The following FN1 variants were observed in gnomAD, a reference collection of about 807,000 sequenced individuals.
FN1 encodes fibronectin.
Under a neutral mutation model 297.3 loss-of-function variants are expected in FN1, and 106 were observed. The ratio of observed to expected loss-of-function variants is 0.36; its 90% CI spans 0.30 to 0.42. FN1 has a LOEUF of 0.42. Ranked by LOEUF, FN1 falls within the 10% of genes least tolerant of loss-of-function variation. FN1 has a pLI of 1.00. For missense variants in FN1, 2,690 were observed against 3,124.9 expected, an observed-to-expected ratio of 0.86 and a Z score of 3.32; for synonymous variants, 1,149 against 1,152.6, an observed-to-expected ratio of 1.00 and a Z score of 0.06.
intron 26 of FN1, among the ~76,000 whole-genome samples, chr2:215,389,341 G>T (rs1417559240): frequency 6.6e-6 from 1 of 152,086 alleles, no homozygotes. Flanking sequence ...CTGACCTTGT[G>T]ATCCACCCGC....
intron 5 of FN1, among the ~76,000 whole-genome samples, chr2:215,429,831 CTT>C (rs138079328): frequency 1.6e-4 from 24 of 152,328 alleles, no homozygotes; most frequent in Non-Finnish European, 3.4e-4. Flanking sequence ...CTTTGAGAAA[CTT>C]TTCCCAACTT....
At chr2:215,398,347 T>C (rs982884063) in intron 21 of FN1, among the ~76,000 whole-genome samples, 15 of 152,208 alleles carry the variant, frequency 9.9e-5, no homozygotes, top group Admixed American at 1.3e-4. Context: ...GGATGATACA[T>C]TACAAGAGAA....
rs917641222 is a variant in FN1 at position 215,399,328 on chromosome 2, G to T, written c.3277C>A (p.Pro1093Thr). The T allele has an allele frequency of 1.2e-6, 2 of 1,613,552 alleles. No individual in the cohort carries two copies. Among genetic ancestry groups the T allele is most frequent in the Admixed American group, 1.7e-5 (1 of 60,006 alleles). Reference protein sequence around the residue: ...TTLQPGSSIPPYNTEVTETTI... With the variant: ...TTLQPGSSIPTYNTEVTETTI... Reference sequence around the variant, plus strand: ...GTCTCAGTCACCTCGGTGTTGTAAGGTGGAATAGAGCTCCCAGGCTGCACT... The same window carrying T: ...GTCTCAGTCACCTCGGTGTTGTAAGTTGGAATAGAGCTCCCAGGCTGCACT... Residue 1093 changes from proline (P) to threonine (T), a missense_variant, in exon 21 of 46, where the codon CCT becomes ACT. Transcript: ENST00000354785.
rs760613059 is a variant in FN1 at position 215,370,324 on chromosome 2, G to A, written c.6823C>T (p.Arg2275Trp). 8 of 1,613,804 alleles carry A rather than the reference G, an allele frequency of 5.0e-6. No individual in the cohort carries two copies. The highest frequency in any genetic ancestry group is 1.1e-5 in the South Asian group (1 of 91,066). ...TTGCCCACGGTAACAACCTCTTCCC[G>A]AACCTTATGCCTCTGCTGGTCTTTC... Reference protein sequence around the residue: ...ALKDQQRHKVREEVVTVGNSV... With the variant: ...ALKDQQRHKVWEEVVTVGNSV... The change falls in exon 41 of 46, where the codon CGG becomes TGG. Residue 2275 changes from arginine (R) to tryptophan (W), a missense_variant. Coordinates refer to ENST00000354785, the MANE Select transcript of FN1 (RefSeq NM_212482.4).
chr2:215,385,481 G>A (rs190463841), intron 28 of FN1, among the ~76,000 whole-genome samples: 2 of 150,712 alleles, frequency 1.3e-5, no homozygotes, highest in Admixed American at 6.6e-5. Flanking sequence ...AGAATTGCTC[G>A]AGCCTGGGAG....
intron 2 of FN1, 87 bp from the exon 3 acceptor site, chr2:215,433,548 C>A (rs946248959): frequency 1.8e-5 from 23 of 1,296,016 alleles, no homozygotes; most frequent in Non-Finnish European, 2.5e-5. Flanking sequence ...AAACCCACTT[C>A]TCTATTCCAC....
chr2:215,421,039 G>A (rs1197692014), intron 10 of FN1: 4 of 484,382 alleles, frequency 8.3e-6, no homozygotes, highest in East Asian at 7.9e-5. Context: ...GTTACAGTAT[G>A]CTCAAGTAAA....
chr2:215,386,183 T>C lies in FN1; in HGVS notation c.4612+506A>G, dbSNP rs1335601254. 2.0e-5 allele frequency among the ~76,000 whole-genome samples: 3 copies of C among 147,922 alleles called. No homozygotes were observed. The East Asian group carries it at 6.3e-4, about 31-fold the overall frequency. ...ACCTTCGCCTCCCAGGTTCAAAGATTCTCCTGCCTCAGCCTCCCCAGTAGC... is the reference window on the plus strand; with the variant it reads ...ACCTTCGCCTCCCAGGTTCAAAGATCCTCCTGCCTCAGCCTCCCCAGTAGC... On this transcript the variant is annotated intron_variant, in intron 28 of 45. Transcript: ENST00000354785.
chr2:215,427,706 C>T lies in FN1; in HGVS notation c.844+474G>A, dbSNP rs564700349. The stretch of plus-strand genomic sequence containing the variant: ...TTCCACTACAAAAAGAGTTCAATGT[C>T]GGGACAGGGAAGTATATTTCATTCA... On this transcript the variant is annotated intron_variant, in intron 6 of 45. Coordinates refer to ENST00000354785, the MANE Select transcript of FN1 (RefSeq NM_212482.4). Among the ~76,000 whole-genome samples, 13 of 152,230 alleles carry T rather than the reference C, an allele frequency of 8.5e-5. No individual in the cohort carries two copies. In the South Asian group the frequency reaches 2.3e-3, roughly 27 times the overall value.
intron 25 of FN1, chr2:215,392,204 G>T: frequency 4.3e-6 from 1 of 231,084 alleles, no homozygotes; most frequent in Non-Finnish European, 8.6e-6. Flanking sequence ...CAGACAAAAA[G>T]ACAAGAGGGT....
At chr2:215,362,101 G>A (rs750840778) in intron 44 of FN1, 22 bp from the exon 45 acceptor site, 2 of 1,553,178 alleles carry the variant, frequency 1.3e-6, no homozygotes, top group South Asian at 2.2e-5. Context: ...GAGGCATGAA[G>A]TCAAATGGGG....
chr2:215,383,624 G>A, intron 30 of FN1, 141 bp from the exon 31 acceptor site: 1 of 892,052 alleles, frequency 1.1e-6, no homozygotes, highest in Non-Finnish European at 1.8e-6. Flanking sequence ...AATACAGAGA[G>A]AGCTTTTAGA....
At chr2:215,375,137 A>T in intron 38 of FN1, 77 bp downstream of exon 38, 4 of 1,373,672 alleles carry the variant, frequency 2.9e-6, no homozygotes, top group Non-Finnish European at 4.2e-6. Flanking sequence ...AGTATCAAAG[A>T]CGCTGTGGGA....
At chr2:215,390,038 C>T (rs1303506120) in intron 26 of FN1, among the ~76,000 whole-genome samples, 2 of 152,212 alleles carry the variant, frequency 1.3e-5, no homozygotes, top group East Asian at 3.8e-4. Flanking sequence ...ACACCATTTG[C>T]CCTTCAGCGT....
chr2:215,386,187 C>T (rs2058957531), intron 28 of FN1, among the ~76,000 whole-genome samples: 1 of 148,806 alleles, frequency 6.7e-6, no homozygotes. Context: ...AAAGATTCTC[C>T]TGCCTCAGCC....
At chr2:215,375,532 T>C in intron 37 of FN1, 97 bp downstream of exon 37, 1 of 1,257,478 alleles carries the variant, frequency 8.0e-7, no homozygotes, top group South Asian at 1.2e-5. Context: ...CTCTGGAATC[T>C]ATAATACAAA....
chr2:215,385,490 A>T (rs1188525314), intron 28 of FN1, among the ~76,000 whole-genome samples: 11 of 148,754 alleles, frequency 7.4e-5, no homozygotes, highest in African/African-American at 2.2e-4. Context: ...CGAGCCTGGG[A>T]GGCAGAGGTT....
At chr2:215,423,076 A>G (rs1429616943) in intron 9 of FN1, among the ~76,000 whole-genome samples, 1 of 152,200 alleles carries the variant, frequency 6.6e-6, no homozygotes, top group Non-Finnish European at 1.5e-5. Context: ...AGACTTACAA[A>G]TAAGTAATTA....
At chr2:215,366,632 A>G (rs2054667868) in intron 42 of FN1, among the ~76,000 whole-genome samples, 1 of 152,220 alleles carries the variant, frequency 6.6e-6, no homozygotes, top group African/African-American at 2.4e-5. Flanking sequence ...TCAGAAGCTT[A>G]TATAACAATA....
Sources: gnomAD v4.1 joint callset for allele counts (sites outside exome capture counted in the v4.1 genomes callset) on GRCh38, gnomAD v4.1.1 for gene constraint, MANE v1.5 for transcripts, NCBI Gene and HGNC (gene_info 2026-07-23, HGNC 2026-07-21) for gene names.